The following STRN3 variants were observed in gnomAD, a reference collection of about 807,000 sequenced individuals.
STRN3 encodes the protein striatin-3.
STRN3 carries 29 observed loss-of-function variants against 95.6 expected under a neutral mutation model. The observed-to-expected ratio is 0.30, with a 90% CI of 0.23 to 0.41. STRN3 has a LOEUF of 0.41. STRN3 is among the 10% of genes least tolerant of loss of function. STRN3 has a pLI of 1.00. For missense variants in STRN3, 890 were observed against 972.1 expected, an observed-to-expected ratio of 0.92 and a Z score of 1.12; for synonymous variants, 331 against 357.6, an observed-to-expected ratio of 0.93 and a Z score of 0.84.
At chr14:30,980,731 T>C (rs998515214) in intron 1 of STRN3, among the ~76,000 whole-genome samples, 2 of 152,138 alleles carry the variant, frequency 1.3e-5, no homozygotes, top group African/African-American at 2.4e-5. Context: ...AAAAACAGTA[T>C]CTTGCTTTGA....
chr14:30,933,971 A>G (rs376256491), intron 7 of STRN3, among the ~76,000 whole-genome samples: 31 of 152,216 alleles, frequency 2.0e-4, no homozygotes, highest in African/African-American at 7.0e-4. Context: ...GTTGTTTTTT[A>G]AAAAAAATCT....
rs1896102578 is a variant in STRN3, at chr14:30,895,078, AAGAAGAAGAAGAAGAG to A, written c.*317_*332del. 5.4e-6 allele frequency: 1 copy of A among 184,870 alleles called. No individual in the cohort carries two copies. Among genetic ancestry groups the A allele is most frequent in the African/African-American group, 3.2e-5 (1 of 31,248 alleles). The allele number at this position is 184,870 out of a possible 1,614,324, so 11.5% of individuals were successfully genotyped here. On this transcript the variant is annotated 3_prime_UTR_variant, in exon 18 of 18. Transcript: ENST00000357479. ...CAAAAAAAAAAAAAAAAAAAAAAAA[AAGAAGAAGAAGAAGAG>A]AAAAAAAAAAACTTTTTTGAAAGAT... is the stretch of plus-strand genomic sequence containing the variant.
rs536822775 is a variant in STRN3, at chr14:30,922,238, G to A, written c.1100-3132C>T. ...AGAGATGGTCTCACCATGCTGCCTA[G>A]CCTGGTATTGAGCTCCTGGGGTCAA... On this transcript the variant is annotated intron_variant, in intron 8 of 17. Coordinates refer to ENST00000357479, the MANE Select transcript of STRN3 (RefSeq NM_001083893.2). Among the ~76,000 whole-genome samples, 4 of 152,048 alleles carry A rather than the reference G, an allele frequency of 2.6e-5. No individual in the cohort carries two copies. The East Asian group carries it at 7.7e-4, about 29-fold the overall frequency.
At chr14:30,974,729 G>T (rs550209527) in intron 1 of STRN3, among the ~76,000 whole-genome samples, 1 of 152,184 alleles carries the variant, frequency 6.6e-6, no homozygotes, top group South Asian at 2.1e-4. Flanking sequence ...ACTTGAGCCT[G>T]GGGGGAGTAG....
chr14:30,990,288 A>C (rs1459664622), intron 1 of STRN3, among the ~76,000 whole-genome samples: 3 of 150,974 alleles, frequency 2.0e-5, no homozygotes, highest in African/African-American at 7.4e-5. Flanking sequence ...TCAGCCTCCC[A>C]AGTAGCTGGG....
At chr14:30,950,011 T>C (rs966793876) in intron 4 of STRN3, among the ~76,000 whole-genome samples, 2 of 151,870 alleles carry the variant, frequency 1.3e-5, no homozygotes, top group African/African-American at 2.4e-5. Context: ...TTTAGTAAAA[T>C]GACTGGTGAG....
rs1390097966 is a variant in STRN3 at position 30,950,963 on chromosome 14, AAAG to A, written c.461-22_461-20del. The A allele has an allele frequency of 6.2e-7, 1 of 1,601,830 alleles. No homozygotes were observed. The highest frequency in any genetic ancestry group is 1.1e-5 in the South Asian group (1 of 89,112). ...GTTTCTTCTAAAAATTAAGAAAAAA[AAAG>A]TTTTACATACTTTATTTCGACTCCT... On this transcript the variant is annotated intron_variant, in intron 3 of 17. Transcript: ENST00000357479.
At position 30,994,003 on chromosome 14, in the gene STRN3, A is replaced by G. The variant is rs566638045; in HGVS notation, c.282+31901T>C. 2.9e-3 allele frequency among the ~76,000 whole-genome samples: 432 copies of G among 151,370 alleles called. 5 individuals are homozygous for G. Among genetic ancestry groups the G allele is most frequent in the African/African-American group, 1.0e-2 (410 of 41,196 alleles). On this transcript the variant is annotated intron_variant, in intron 1 of 17. Coordinates refer to ENST00000357479, the MANE Select transcript of STRN3 (RefSeq NM_001083893.2). ...AGCGATTCTCCTGCCTCAGCCTCCCAAGTAGCTGGGAATACGGGCATGTGC... is the reference window on the plus strand; with the variant it reads ...AGCGATTCTCCTGCCTCAGCCTCCCGAGTAGCTGGGAATACGGGCATGTGC...
At chr14:31,010,225 T>C (rs1285598639) in intron 1 of STRN3, among the ~76,000 whole-genome samples, 1 of 152,178 alleles carries the variant, frequency 6.6e-6, no homozygotes, top group East Asian at 1.9e-4. Flanking sequence ...TTTATAACTA[T>C]TTTTTCTTTT....
chr14:30,973,424 G>C (rs1880936254), intron 1 of STRN3, among the ~76,000 whole-genome samples: 1 of 151,602 alleles, frequency 6.6e-6, no homozygotes. Flanking sequence ...GAAGAGGAGA[G>C]ACTCAAATTA....
intron 16 of STRN3, among the ~76,000 whole-genome samples, chr14:30,896,921 C>CA (rs1320161708): frequency 6.6e-6 from 1 of 152,142 alleles, no homozygotes; most frequent in African/African-American, 2.4e-5. Flanking sequence ...TTGTATTGCA[C>CA]AAATACTTTG....
intron 13 of STRN3, among the ~76,000 whole-genome samples, chr14:30,909,822 A>G (rs1269549913): frequency 6.6e-6 from 1 of 152,240 alleles, no homozygotes; most frequent in Non-Finnish European, 1.5e-5. Context: ...TATGTAAATT[A>G]TCTCAGTAAA....
chr14:30,987,766 C>CT (rs1881766767), intron 1 of STRN3, among the ~76,000 whole-genome samples: 2 of 149,770 alleles, frequency 1.3e-5, no homozygotes, highest in South Asian at 4.2e-4. Context: ...GAGACAGACT[C>CT]TCGTTCTGTT....
chr14:30,993,339 A>G lies in STRN3; in HGVS notation c.282+32565T>C, dbSNP rs147631494. On this transcript the variant is annotated intron_variant, in intron 1 of 17. Transcript: ENST00000357479. ...GTACTGGATTTACCAAGCAGCTCTT[A>G]GTAGGGAGAACATGACTATTTCATC... Among the ~76,000 whole-genome samples the G allele has an allele frequency of 7.2e-5, 11 of 152,200 alleles. No homozygotes were observed. The East Asian group carries it at 1.9e-3, about 27-fold the overall frequency.
At chr14:30,971,677 A>G (rs945141474) in intron 1 of STRN3, among the ~76,000 whole-genome samples, 4 of 152,228 alleles carry the variant, frequency 2.6e-5, no homozygotes, top group African/African-American at 9.6e-5. Context: ...GCCCCTAATA[A>G]AAGTATAACA....
intron 5 of STRN3, among the ~76,000 whole-genome samples, chr14:30,944,567 A>ACATG (rs1879263789): frequency 1.4e-5 from 1 of 72,760 alleles, no homozygotes; most frequent in South Asian, 4.2e-4. Flanking sequence ...ATATATATAT[A>ACATG]TATACACACA....
intron 15 of STRN3, among the ~76,000 whole-genome samples, chr14:30,904,198 T>A (rs1896400487): frequency 6.6e-6 from 1 of 151,952 alleles, no homozygotes; most frequent in African/African-American, 2.4e-5. Flanking sequence ...GGGCACAAAA[T>A]GAACAACATG....
intron 14 of STRN3, among the ~76,000 whole-genome samples, 167 bp from the exon 15 acceptor site, chr14:30,905,725 T>C (rs1233208644): frequency 6.6e-6 from 1 of 152,190 alleles, no homozygotes; most frequent in Non-Finnish European, 1.5e-5. Context: ...AGATAAGAAA[T>C]ATCTTTTCCT....
At chr14:30,945,531 G>C (rs1158223402) in intron 5 of STRN3, among the ~76,000 whole-genome samples, 1 of 152,082 alleles carries the variant, frequency 6.6e-6, no homozygotes, top group African/African-American at 2.4e-5. Flanking sequence ...CCTGAGCCTA[G>C]GGAGGTCAAG....
Sources: allele counts gnomAD v4.1 joint callset (sites outside exome capture counted in the v4.1 genomes callset), GRCh38; gene constraint gnomAD v4.1.1; transcripts MANE v1.5; gene names NCBI Gene and HGNC (gene_info 2026-07-23, HGNC 2026-07-21).